Variants in ENOX1 observed in about 807,000 individuals in gnomAD.
ENOX1 encodes ecto-NOX disulfide-thiol exchanger 1.
ENOX1 carries 42 observed loss-of-function variants against 82.5 expected under a neutral mutation model. The ratio of observed to expected loss-of-function variants is 0.51; its 90% CI spans 0.40 to 0.66. ENOX1 has a LOEUF of 0.66. ENOX1 is among the 30% of genes least tolerant of loss of function. The probability of loss-of-function intolerance (pLI) is 0.00; values close to 1 mark genes in which losing one functional copy is unlikely to be tolerated. For missense variants in ENOX1, 608 were observed against 811.6 expected (o/e 0.75, Z 3.05); for synonymous variants, 271 against 282.2 (o/e 0.96, Z 0.40).
chr13:43,222,730 C>T (rs2041853808), intron 16 of ENOX1, among the ~76,000 whole-genome samples: 1 of 152,118 alleles, frequency 6.6e-6, no homozygotes, highest in Non-Finnish European at 1.5e-5. Context: ...TATTAAGGAA[C>T]AATAATACCA....
At chr13:43,280,300 G>C (rs1015514338) in intron 12 of ENOX1, among the ~76,000 whole-genome samples, 19 of 152,298 alleles carry the variant, frequency 1.2e-4, no homozygotes, top group African/African-American at 4.6e-4. Context: ...ACCCCTATGG[G>C]TGACTTGTAG....
chr13:43,473,501 C>CTA (rs994459688), intron 3 of ENOX1, among the ~76,000 whole-genome samples: 59 of 152,222 alleles, frequency 3.9e-4, no homozygotes, highest in African/African-American at 1.4e-3. Flanking sequence ...AAATGTTTGC[C>CTA]TATAGTATTT....
chr13:43,462,547 G>T (rs186292087), intron 3 of ENOX1, among the ~76,000 whole-genome samples: 1 of 152,084 alleles, frequency 6.6e-6, no homozygotes, highest in Non-Finnish European at 1.5e-5. Flanking sequence ...CTTAATCAGA[G>T]ATAAATTAAA....
chr13:43,613,880 G>T (rs766107083), intron 2 of ENOX1, among the ~76,000 whole-genome samples: 1 of 151,938 alleles, frequency 6.6e-6, no homozygotes, highest in African/African-American at 2.4e-5. Flanking sequence ...GCAGTGAGCC[G>T]CCGAGATCAT....
rs189130175 is a variant in ENOX1 at position 43,418,727 on chromosome 13, A to G, written c.-74-5739T>C. Among the ~76,000 whole-genome samples the G allele has an allele frequency of 4.6e-4, 70 of 152,330 alleles. 1 individual carries two copies. Among genetic ancestry groups the G allele is most frequent in the African/African-American group, 1.5e-3 (63 of 41,582 alleles). ...CAATCTGATACACAAAATGCCAAGG[A>G]TAAAAGTACAGCTTTGTTTGGCCTT... On this transcript the variant is annotated intron_variant, in intron 3 of 16. Coordinates refer to ENST00000690772, the MANE Select transcript of ENOX1 (RefSeq NM_001347969.2).
At chr13:43,372,533 A>T (rs1304012989) in intron 5 of ENOX1, among the ~76,000 whole-genome samples, 1 of 152,218 alleles carries the variant, frequency 6.6e-6, no homozygotes, top group Non-Finnish European at 1.5e-5. Flanking sequence ...TGAAAAATTC[A>T]GGACAGGAAC....
chr13:43,435,194 T>A (rs1301209873), intron 3 of ENOX1, among the ~76,000 whole-genome samples: 3 of 152,076 alleles, frequency 2.0e-5, no homozygotes, highest in Non-Finnish European at 2.9e-5. Context: ...AGTATGCCAT[T>A]CCAGCCAGGA....
intron 3 of ENOX1, among the ~76,000 whole-genome samples, chr13:43,450,028 CA>C (rs2056872767): frequency 6.6e-6 from 1 of 152,200 alleles, no homozygotes; most frequent in South Asian, 2.1e-4. Context: ...AGGCCTTAAT[CA>C]TTTGTAATAG....
At chr13:43,256,718 C>T (rs116343973) in intron 14 of ENOX1, among the ~76,000 whole-genome samples, 1,546 of 152,198 alleles carry the variant, frequency 0.01, 28 homozygotes, top group African/African-American at 0.036. Flanking sequence ...AGTGGGAATG[C>T]AAATTACTAC....
At position 43,387,374 on chromosome 13, in the gene ENOX1, G is replaced by C. The variant is rs140939525; in HGVS notation, c.208+24542C>G. On this transcript the variant is annotated intron_variant, in intron 5 of 16. Transcript: ENST00000690772. ...TGTGGTGGGAAGATATGGAGGACGA[G>C]ATTATAGGCAGAGGGAAGAGAGGGA... Among the ~76,000 whole-genome samples the C allele has an allele frequency of 1.4e-4, 22 of 152,196 alleles. No homozygotes were observed. In the East Asian group the frequency reaches 4.1e-3, roughly 28 times the overall value.
chr13:43,549,912 C>T (rs1212336965), intron 2 of ENOX1, among the ~76,000 whole-genome samples: 2 of 152,158 alleles, frequency 1.3e-5, no homozygotes, highest in Non-Finnish European at 2.9e-5. Flanking sequence ...TCTAAGACAG[C>T]GGCTGCCAAT....
chr13:43,280,570 G>C (rs888313230), intron 12 of ENOX1, among the ~76,000 whole-genome samples: 1 of 152,232 alleles, frequency 6.6e-6, no homozygotes, highest in Non-Finnish European at 1.5e-5. Context: ...CTGTTTTGCA[G>C]ATCAGTGAAG....
intron 2 of ENOX1, among the ~76,000 whole-genome samples, chr13:43,511,299 A>G (rs941485148): frequency 6.6e-6 from 1 of 152,126 alleles, no homozygotes. Context: ...AACAGTTTCA[A>G]TTTTTATTGA....
At chr13:43,335,507 G>T (rs1367674998) in intron 9 of ENOX1, among the ~76,000 whole-genome samples, 1 of 151,922 alleles carries the variant, frequency 6.6e-6, no homozygotes, top group Non-Finnish European at 1.5e-5. Context: ...CATTCCCCTC[G>T]CCTGATGTGG....
At chr13:43,266,976 T>C (rs1281429010) in intron 13 of ENOX1, among the ~76,000 whole-genome samples, 1 of 152,142 alleles carries the variant, frequency 6.6e-6, no homozygotes, top group African/African-American at 2.4e-5. Context: ...TTAAATAAAC[T>C]CCATTCTTCC....
At chr13:43,226,214 A>T (rs2042016365) in intron 15 of ENOX1, among the ~76,000 whole-genome samples, 1 of 152,172 alleles carries the variant, frequency 6.6e-6, no homozygotes, top group African/African-American at 2.4e-5. Flanking sequence ...TGATTTCTTT[A>T]AAAAAATTAG....
intron 9 of ENOX1, among the ~76,000 whole-genome samples, chr13:43,336,932 C>T (rs1321408696): frequency 1.3e-5 from 2 of 152,154 alleles, no homozygotes; most frequent in Non-Finnish European, 2.9e-5. Context: ...CTTTTAAGAC[C>T]TAAGATGAGG....
At chr13:43,243,419 C>A (rs2042934374) in intron 14 of ENOX1, among the ~76,000 whole-genome samples, 1 of 152,106 alleles carries the variant, frequency 6.6e-6, no homozygotes, top group Admixed American at 6.5e-5. Context: ...TGCTGCATTC[C>A]CATTTCCACT....
intron 1 of ENOX1, among the ~76,000 whole-genome samples, chr13:43,750,938 G>A (rs1362983648): frequency 1.3e-5 from 2 of 152,102 alleles, no homozygotes; most frequent in Non-Finnish European, 2.9e-5. Flanking sequence ...GAACACAAAC[G>A]TGGCCTGTTA....
Sources: gnomAD v4.1 joint callset for allele counts (sites outside exome capture counted in the v4.1 genomes callset) on GRCh38, gnomAD v4.1.1 for gene constraint, MANE v1.5 for transcripts, NCBI Gene and HGNC (gene_info 2026-07-23, HGNC 2026-07-21) for gene names.